The following SGCD variants were observed in gnomAD, a reference collection of about 807,000 sequenced individuals.
SGCD encodes the protein delta-sarcoglycan.
In SGCD, 18 loss-of-function variants were observed where a neutral mutation model predicts 36.6. The observed-to-expected ratio is 0.49, with a 90% CI of 0.34 to 0.73. The LOEUF (loss-of-function observed/expected upper bound fraction) is 0.73. Among genes scored for constraint, SGCD ranks in the 30% least tolerant of loss-of-function variants. The probability of loss-of-function intolerance (pLI) is 0.01; values close to 1 mark genes in which losing one functional copy is unlikely to be tolerated. For synonymous variants in SGCD, 133 were observed against 130.6 expected (o/e 1.02, Z -0.12); for missense variants, 387 against 346.7 (o/e 1.12, Z -0.92).
intron 3 of SGCD, among the ~76,000 whole-genome samples, chr5:156,485,315 A>G (rs1755609083): frequency 6.6e-6 from 1 of 152,202 alleles, no homozygotes; most frequent in South Asian, 2.1e-4. Flanking sequence ...CTCAAAGTAT[A>G]TAGAGAGAGC....
chr5:155,770,070 A>C, the SGCD span, among the ~76,000 whole-genome samples: 31 of 151,734 alleles, frequency 2.0e-4, no homozygotes, highest in African/African-American at 7.5e-4. Context: ...TCCTTTTCTC[A>C]CGCATTCATT....
the SGCD span, among the ~76,000 whole-genome samples, chr5:155,728,482 T>G: frequency 2.0e-5 from 3 of 152,166 alleles, no homozygotes; most frequent in Non-Finnish European, 4.4e-5. Flanking sequence ...TGAAGCGAGC[T>G]GGGCTGTGAG....
At chr5:156,185,212 C>CTTTTTTT (rs755578762) in intron 3 of SGCD, among the ~76,000 whole-genome samples, 1 of 113,228 alleles carries the variant, frequency 8.8e-6, no homozygotes. Context: ...CTTTAATTTT[C>CTTTTTTT]TTTTTTTTTT....
upstream of SGCD, among the ~76,000 whole-genome samples, chr5:156,322,692 G>C (rs1413187774): frequency 6.6e-6 from 1 of 152,202 alleles, no homozygotes; most frequent in Admixed American, 6.5e-5. Flanking sequence ...TATCTGTCCA[G>C]AAGGTGAGAA....
rs576613412 is a variant in SGCD at position 156,291,134 on chromosome 5, T to A, written c.-43-38400T>A. Among the ~76,000 whole-genome samples the A allele has an allele frequency of 2.0e-5, 3 of 152,114 alleles. No homozygotes were observed. In the South Asian group the frequency reaches 6.2e-4, roughly 32 times the overall value. ...CAAAGATGGTATTGAGTTGGTTCAG[T>A]GGGTACAAACATACAGTTAGACAGA... On this transcript the variant is annotated intron_variant, in intron 3 of 9. Coordinates refer to the SGCD transcript ENST00000517913.
At chr5:156,018,048 T>C (rs1012646285) in intron 1 of SGCD, among the ~76,000 whole-genome samples, 3 of 152,012 alleles carry the variant, frequency 2.0e-5, no homozygotes, top group African/African-American at 7.2e-5. Context: ...TGGTTCTAGC[T>C]ACTCAGGAGG....
chr5:156,342,201 A>G (rs1356139426), intron 2 of SGCD, among the ~76,000 whole-genome samples: 1 of 152,254 alleles, frequency 6.6e-6, no homozygotes, highest in African/African-American at 2.4e-5. Flanking sequence ...TTTCCATTTT[A>G]TAGCTACGTT....
At chr5:156,429,576 GTT>G (rs565661518) in intron 3 of SGCD, among the ~76,000 whole-genome samples, 3 of 141,604 alleles carry the variant, frequency 2.1e-5, no homozygotes, top group African/African-American at 7.7e-5. Flanking sequence ...AAATAGTTTG[GTT>G]TTTTTTTTTT....
the SGCD span, among the ~76,000 whole-genome samples, chr5:155,793,047 A>G: frequency 2.0e-5 from 3 of 152,236 alleles, no homozygotes; most frequent in South Asian, 2.1e-4. Context: ...TGTGGTACAC[A>G]TACACCGTGG....
At chr5:156,423,183 T>TATATAATGTAATATTATATTTTATTATA (rs1773410613) in intron 3 of SGCD, among the ~76,000 whole-genome samples, 1 of 76,504 alleles carries the variant, frequency 1.3e-5, no homozygotes, top group African/African-American at 6.7e-5. Context: ...TATAATTAAT[T>TATATAATGTAATATTATATTTTATTATA]ATATAATATA....
chr5:155,833,011 C>A, the SGCD span, among the ~76,000 whole-genome samples: 2 of 146,806 alleles, frequency 1.4e-5, no homozygotes, highest in Non-Finnish European at 1.5e-5. Flanking sequence ...AGTTCAAGAC[C>A]AGCCCGGTCA....
intron 1 of SGCD, among the ~76,000 whole-genome samples, chr5:155,903,880 C>G (rs184944773): frequency 3.9e-5 from 6 of 152,248 alleles, no homozygotes; most frequent in Admixed American, 2.0e-4. Flanking sequence ...TGCGTGTTCT[C>G]CTAGAATCAC....
chr5:156,606,399 G>A lies in SGCD; in HGVS notation c.502+11348G>A, dbSNP rs1302903903. Among the ~76,000 whole-genome samples, 3 of 152,048 alleles carry A rather than the reference G, an allele frequency of 2.0e-5. No homozygotes were observed. The South Asian group carries it at 6.2e-4, about 32-fold the overall frequency. On this transcript the variant is annotated intron_variant, in intron 6 of 8. Transcript: ENST00000337851. ...CTGAGGGCTCTGTTCTGTTCCATTG[G>A]TCTATATCTCTGTTTTGGTACCAGT...
At chr5:156,622,828 G>A (rs193213087) in intron 6 of SGCD, among the ~76,000 whole-genome samples, 9 of 152,102 alleles carry the variant, frequency 5.9e-5, no homozygotes, top group Admixed American at 6.5e-5. Context: ...AACCTATTAC[G>A]TGAGTGTCTC....
At chr5:156,099,813 A>G (rs1761476468) in intron 1 of SGCD, among the ~76,000 whole-genome samples, 1 of 152,052 alleles carries the variant, frequency 6.6e-6, no homozygotes, top group Admixed American at 6.6e-5. Context: ...ATAATAAATA[A>G]TAAATGTGTG....
At chr5:156,463,087 A>G (rs1157231307) in intron 3 of SGCD, among the ~76,000 whole-genome samples, 5 of 152,114 alleles carry the variant, frequency 3.3e-5, no homozygotes, top group Admixed American at 2.0e-4. Flanking sequence ...AGAGTGGCCC[A>G]CTCTGGAAAA....
intron 3 of SGCD, among the ~76,000 whole-genome samples, chr5:156,140,080 A>G (rs550678879): frequency 1.3e-5 from 2 of 152,336 alleles, no homozygotes; most frequent in East Asian, 1.9e-4. Context: ...TGTACTTCTC[A>G]GTCTTCAGAA....
chr5:155,997,620 GT>G (rs1758579248), intron 1 of SGCD, among the ~76,000 whole-genome samples: 1 of 152,200 alleles, frequency 6.6e-6, no homozygotes, highest in Non-Finnish European at 1.5e-5. Context: ...CAGAGAATTT[GT>G]TCTTCCAGCC....
At chr5:156,118,631 G>A (rs1427550917) in intron 2 of SGCD, among the ~76,000 whole-genome samples, 1 of 152,150 alleles carries the variant, frequency 6.6e-6, no homozygotes, top group East Asian at 1.9e-4. Flanking sequence ...TCAGCAATTA[G>A]CCCAGGTGCC....
Sources: allele counts gnomAD v4.1 joint callset (sites outside exome capture counted in the v4.1 genomes callset), GRCh38; gene constraint gnomAD v4.1.1; transcripts MANE v1.5; gene names NCBI Gene and HGNC (gene_info 2026-07-23, HGNC 2026-07-21).